Variants in CD55 observed in about 807,000 individuals in gnomAD.
CD55 encodes the protein complement decay-accelerating factor.
CD55 carries 41 observed loss-of-function variants against 45.8 expected under a neutral mutation model. That is an observed-to-expected ratio of 0.90 (90% CI 0.70 to 1.16). CD55 has a LOEUF of 1.16. CD55 is among the 50% of genes most tolerant of loss of function. The probability of loss-of-function intolerance (pLI) is 0.00; values close to 1 mark genes in which losing one functional copy is unlikely to be tolerated. For synonymous variants in CD55, 181 were observed against 181.1 expected (o/e 1.00, Z 0.01); for missense variants, 416 against 469.8 (o/e 0.89, Z 1.06).
intron 6 of CD55, among the ~76,000 whole-genome samples, chr1:207,335,645 G>T (rs1177076809): frequency 6.6e-6 from 1 of 152,114 alleles, no homozygotes; most frequent in Non-Finnish European, 1.5e-5. Flanking sequence ...ATCATTGTTT[G>T]AGTGCCTGCT....
chr1:207,333,398 T>TG (rs1655034879), intron 6 of CD55, among the ~76,000 whole-genome samples: 1 of 152,222 alleles, frequency 6.6e-6, no homozygotes, highest in South Asian at 2.1e-4. Context: ...CAGAAGTAGA[T>TG]GGAGTCTTAC....
chr1:207,350,217 A>G (rs1236829272), intron 9 of CD55: 9 of 406,166 alleles, frequency 2.2e-5, no homozygotes, highest in Non-Finnish European at 3.4e-5. Context: ...AGCCTACTTG[A>G]TCGTGGTAAG....
chr1:207,324,999 C>T (rs868297829), intron 3 of CD55, among the ~76,000 whole-genome samples: 12 of 152,082 alleles, frequency 7.9e-5, no homozygotes, highest in Middle Eastern at 3.4e-3. Context: ...ATTCTAAATT[C>T]GTTGCTTTTT....
chr1:207,338,700 G>A (rs1267437041), intron 8 of CD55, among the ~76,000 whole-genome samples: 1 of 151,938 alleles, frequency 6.6e-6, no homozygotes, highest in African/African-American at 2.4e-5. Flanking sequence ...GATGCCACTC[G>A]TCTGTACCAC....
chr1:207,343,309 A>G (rs920903417), intron 9 of CD55, among the ~76,000 whole-genome samples: 1 of 151,926 alleles, frequency 6.6e-6, no homozygotes, highest in Non-Finnish European at 1.5e-5. Context: ...TGATGTAATC[A>G]TTTATTGCTG....
At chr1:207,327,915 G>A (rs189913979) in intron 5 of CD55, among the ~76,000 whole-genome samples, 51 of 152,144 alleles carry the variant, frequency 3.4e-4, no homozygotes, top group Non-Finnish European at 1.6e-4. Context: ...TTGCTACCCA[G>A]TAGCACCTTT....
intron 6 of CD55, among the ~76,000 whole-genome samples, chr1:207,333,850 G>A (rs1195564573): frequency 6.6e-6 from 1 of 152,124 alleles, no homozygotes; most frequent in Non-Finnish European, 1.5e-5. Context: ...AGAGAAAAAG[G>A]AATGTGAAAT....
rs1654414007 is a variant in CD55 at position 207,321,798 on chromosome 1, G to C, written c.33G>C (p.Ala11=). MTVARPSVPA[A]LPLLGELPRL... ...TCGCGCGGCCGAGCGTGCCCGCGGC[G>C]CTGCCCCTCCTCGGGGAGCTGCCCC... Residue 11 remains alanine (A), a synonymous_variant, in exon 1 of 10, where the codon GCG becomes GCC. Coordinates refer to ENST00000367064, the MANE Select transcript of CD55 (RefSeq NM_000574.5). The C allele has an allele frequency of 1.3e-6, 2 of 1,525,834 alleles. No individual in the cohort carries two copies. Among genetic ancestry groups the C allele is most frequent in the Non-Finnish European group, 8.8e-7 (1 of 1,142,368 alleles). 94.5% of individuals were successfully genotyped at this position (1,525,834 alleles called of 1,614,324 possible). A position where few individuals can be genotyped will look rare whatever the true frequency, so the allele number is the denominator to read the frequency against.
At chr1:207,340,367 A>C (rs973002706) in intron 9 of CD55, 2 of 440,318 alleles carry the variant, frequency 4.5e-6, no homozygotes, top group Admixed American at 4.3e-5. Context: ...TCTTTTTTTT[A>C]TTTTTATTTT....
intron 9 of CD55, among the ~76,000 whole-genome samples, chr1:207,341,596 C>T (rs1327088250): frequency 1.3e-5 from 2 of 152,124 alleles, no homozygotes; most frequent in African/African-American, 2.4e-5. Flanking sequence ...GTTCTCTATT[C>T]TGTTCCATTA....
chr1:207,349,200 T>A (rs77125485), intron 9 of CD55, among the ~76,000 whole-genome samples: 2 of 151,436 alleles, frequency 1.3e-5, no homozygotes, highest in Non-Finnish European at 2.9e-5. Flanking sequence ...TTTTTTTTTT[T>A]GAGACAGAGT....
At chr1:207,358,307 G>A (rs1374119249) in intron 9 of CD55, among the ~76,000 whole-genome samples, 1 of 152,184 alleles carries the variant, frequency 6.6e-6, no homozygotes, top group Non-Finnish European at 1.5e-5. Flanking sequence ...ACAGGATATA[G>A]TTAATGTGCA....
intron 6 of CD55, among the ~76,000 whole-genome samples, chr1:207,335,332 C>T (rs973788321): frequency 1.3e-5 from 2 of 152,032 alleles, no homozygotes; most frequent in Non-Finnish European, 2.9e-5. Flanking sequence ...TTTTCAAGTG[C>T]GCATGGGCTA....
In CD55 at chr1:207,322,217, C is replaced by T. The variant is rs548202490; in HGVS notation, c.101-165C>T. On this transcript the variant is annotated intron_variant, in intron 1 of 9. Coordinates refer to ENST00000367064, the MANE Select transcript of CD55 (RefSeq NM_000574.5). The stretch of plus-strand genomic sequence containing the variant: ...AAGGATGGGAGGCCAGACCGCTGAC[C>T]GTTCCCCACTCTCGACAGAGTCCAG... 8.1e-6 allele frequency: 6 copies of T among 737,236 alleles called. No homozygotes were observed. In the East Asian group the frequency reaches 1.3e-4, roughly 16 times the overall value. The allele number at this position is 737,236 out of a possible 1,614,324, so 45.7% of individuals were successfully genotyped here.
intron 6 of CD55, among the ~76,000 whole-genome samples, chr1:207,332,603 T>C (rs931023150): frequency 6.6e-6 from 1 of 152,118 alleles, no homozygotes; most frequent in African/African-American, 2.4e-5. Flanking sequence ...AATTATGAAG[T>C]TTAGTGTGTG....
chr1:207,359,552 C>T lies in CD55; in HGVS notation c.1088C>T (p.Thr363Met), dbSNP rs762708417. ...SGTTRLLSGH[T>M]CFTLTGLLGT... Reference sequence around the variant, plus strand: ...TTTTTTTTTTAATTTTCAGGGCACACGTGTTTCACGTTGACAGGTTTGCTT... The same window carrying T: ...TTTTTTTTTTAATTTTCAGGGCACATGTGTTTCACGTTGACAGGTTTGCTT... The change falls in exon 10 of 10, where the codon ACG becomes ATG. Residue 363 changes from threonine to methionine, a missense_variant. Around this residue, in one of 3 missense-constraint regions of CD55, gnomAD observed 182 missense variants for 201.4 expected, o/e 0.90. Coordinates refer to ENST00000367064, the MANE Select transcript of CD55 (RefSeq NM_000574.5). 7.8e-6 allele frequency: 12 copies of T among 1,537,200 alleles called. No homozygotes were observed. The African/African-American group carries it at 1.4e-4, about 17-fold the overall frequency.
intron 9 of CD55, among the ~76,000 whole-genome samples, chr1:207,350,554 G>T (rs1331234117): frequency 6.6e-6 from 1 of 152,022 alleles, no homozygotes; most frequent in African/African-American, 2.4e-5. Flanking sequence ...GTCTGTTCAG[G>T]TATTTAATTT....
intron 9 of CD55, among the ~76,000 whole-genome samples, chr1:207,349,304 TC>T (rs2102432940): frequency 6.6e-6 from 1 of 152,050 alleles, no homozygotes; most frequent in Non-Finnish European, 1.5e-5. Context: ...TGCCTCAGCC[TC>T]CCAAGTAGCT....
intron 6 of CD55, among the ~76,000 whole-genome samples, chr1:207,334,062 A>T (rs1412434550): frequency 6.6e-6 from 1 of 152,124 alleles, no homozygotes; most frequent in Non-Finnish European, 1.5e-5. Flanking sequence ...AAGCTCTCTG[A>T]CTCTAAGCTG....
Sources: allele counts gnomAD v4.1 joint callset (sites outside exome capture counted in the v4.1 genomes callset), GRCh38; gene constraint gnomAD v4.1.1; regional missense constraint gnomAD v4.1.1; transcripts MANE v1.5; gene names NCBI Gene and HGNC (gene_info 2026-07-23, HGNC 2026-07-21).